Variants in HDGFL2 observed in about 807,000 individuals in gnomAD.
The protein encoded by HDGFL2 is hepatoma-derived growth factor-related protein 2.
Under a neutral mutation model 77.1 loss-of-function variants are expected in HDGFL2, and 36 were observed. That is an observed-to-expected ratio of 0.47 (90% CI 0.36 to 0.62). The LOEUF (loss-of-function observed/expected upper bound fraction) is 0.62. Ranked by LOEUF, HDGFL2 falls within the 20% of genes least tolerant of loss-of-function variation. The probability of loss-of-function intolerance (pLI) is 0.00; values close to 1 mark genes in which losing one functional copy is unlikely to be tolerated. For synonymous variants in HDGFL2, 463 were observed against 413.1 expected (o/e 1.12, Z -1.46); for missense variants, 976 against 973.4 (o/e 1.00, Z -0.04).
chr19:4,488,313 T>C (rs1389393490), intron 3 of HDGFL2, among the ~76,000 whole-genome samples: 2 of 152,196 alleles, frequency 1.3e-5, no homozygotes, highest in African/African-American at 4.8e-5. Flanking sequence ...CTCGGCACTG[T>C]CTTAGGTGCT....
chr19:4,475,684 T>C (rs1975054392), intron 3 of HDGFL2, 101 bp downstream of exon 3: 1 of 1,379,374 alleles, frequency 7.2e-7, no homozygotes, highest in Middle Eastern at 2.5e-4. Flanking sequence ...CACATGGGGC[T>C]CGATCGTTCC....
intron 3 of HDGFL2, among the ~76,000 whole-genome samples, chr19:4,482,475 T>A (rs922769583): frequency 1.6e-4 from 25 of 152,180 alleles, no homozygotes; most frequent in Non-Finnish European, 2.4e-4. Context: ...CCCCAAGTGC[T>A]GGGATTATAG....
At position 4,472,456 on chromosome 19, in the gene HDGFL2, G is replaced by A. The variant is rs749211190; in HGVS notation, c.72+34G>A. On this transcript the variant is annotated intron_variant, in intron 1 of 15. Coordinates refer to ENST00000616600, the MANE Select transcript of HDGFL2 (RefSeq NM_001001520.3). ...GCGCGGGAGATGGGGCCGGTGGGGG[G>A]GGGGGGGGGGGCAGCGGGGGCCCCG... The A allele has an allele frequency of 1.1e-4, 51 of 463,740 alleles. 1 individual carries two copies. Among genetic ancestry groups the A allele is most frequent in the Admixed American group, 7.2e-4 (16 of 22,318 alleles). 28.7% of individuals were successfully genotyped at this position (463,740 alleles called of 1,614,324 possible). A position where few individuals can be genotyped will look rare whatever the true frequency, so the allele number is the denominator to read the frequency against.
intron 12 of HDGFL2, among the ~76,000 whole-genome samples, 179 bp from the exon 13 acceptor site, chr19:4,498,635 C>A (rs1333399010): frequency 6.6e-6 from 1 of 152,122 alleles, no homozygotes; most frequent in Non-Finnish European, 1.5e-5. Flanking sequence ...CCTGGGACCC[C>A]AAGTATCTGG....
intron 11 of HDGFL2, 22 bp from the exon 12 acceptor site, chr19:4,498,284 G>C: frequency 6.2e-7 from 1 of 1,606,590 alleles, no homozygotes. Context: ...GGGCCCACAC[G>C]GTGCTCTCTC....
chr19:4,488,740 A>G lies in HDGFL2; in HGVS notation c.353A>G (p.Glu118Gly). 1.3e-6 allele frequency: 2 copies of G among 1,553,644 alleles called. No individual in the cohort carries two copies. Among genetic ancestry groups the G allele is most frequent in the Non-Finnish European group, 1.7e-6 (2 of 1,148,424 alleles). Reference sequence around the variant, plus strand: ...CCCGCCGACGGCAGTGACGCTGACGAGGACGATGAGGACCGGGGGGTCATG... The same window carrying G: ...CCCGCCGACGGCAGTGACGCTGACGGGGACGATGAGGACCGGGGGGTCATG... ...ANPADGSDAD[E>G]DDEDRGVMAV... Residue 118 changes from glutamate (E) to glycine (G), a missense_variant, in exon 4 of 16, where the codon GAG becomes GGG. Physicochemically the swap from Glu to Gly is moderately conservative, Grantham distance 98 (BLOSUM62 -2). Coordinates refer to ENST00000616600, the MANE Select transcript of HDGFL2 (RefSeq NM_001001520.3).
At chr19:4,498,957 G>C in intron 13 of HDGFL2, 42 bp downstream of exon 13, 1 of 1,439,254 alleles carries the variant, frequency 6.9e-7, no homozygotes, top group East Asian at 2.4e-5. Context: ...AGTCGGGGGA[G>C]CTGGGAGCAA....
At chr19:4,491,485 G>A (rs922191927) in intron 4 of HDGFL2, 81 bp from the exon 5 acceptor site, 1 of 1,201,120 alleles carries the variant, frequency 8.3e-7, no homozygotes, top group Non-Finnish European at 1.2e-6. Context: ...AGCTGTCGTG[G>A]GTGGTGGGCA....
At chr19:4,492,136 CAGAAGAG>C (rs1975531474) in intron 6 of HDGFL2, among the ~76,000 whole-genome samples, 1 of 152,126 alleles carries the variant, frequency 6.6e-6, no homozygotes, top group South Asian at 2.1e-4. Context: ...GAGAGGGACA[CAGAAGAG>C]AGGAGAGAGG....
At chr19:4,486,911 A>G (rs1296203102) in intron 3 of HDGFL2, among the ~76,000 whole-genome samples, 1 of 151,502 alleles carries the variant, frequency 6.6e-6, no homozygotes, top group Non-Finnish European at 1.5e-5. Context: ...CTCTGTAAAA[A>G]TGTCACATCC....
chr19:4,500,266 G>A (rs528370702), intron 14 of HDGFL2, among the ~76,000 whole-genome samples: 4 of 152,258 alleles, frequency 2.6e-5, no homozygotes, highest in South Asian at 4.1e-4. Flanking sequence ...GGGGGCAGCC[G>A]AAGGCTAGTG....
chr19:4,497,775 G>T (rs1975745216), intron 10 of HDGFL2, 183 bp from the exon 11 acceptor site: 1 of 588,686 alleles, frequency 1.7e-6, no homozygotes, highest in South Asian at 2.1e-5. Context: ...GCCTGTGGCT[G>T]CCCTGGTCTG....
intron 9 of HDGFL2, among the ~76,000 whole-genome samples, chr19:4,494,708 C>G (rs1975655326): frequency 6.6e-6 from 1 of 151,856 alleles, no homozygotes; most frequent in Non-Finnish European, 1.5e-5. Flanking sequence ...TTACTTGAGT[C>G]CAGCTCGAGA....
At chr19:4,495,872 G>A (rs1444242791) in intron 9 of HDGFL2, among the ~76,000 whole-genome samples, 1 of 152,148 alleles carries the variant, frequency 6.6e-6, no homozygotes, top group African/African-American at 2.4e-5. Context: ...TTCAGGCAAT[G>A]TGGCCTGAAT....
chr19:4,474,444 T>C (rs1478877339), intron 1 of HDGFL2, among the ~76,000 whole-genome samples: 2 of 152,000 alleles, frequency 1.3e-5, no homozygotes, highest in African/African-American at 4.8e-5. Flanking sequence ...GGCCAGGGAC[T>C]CTGATAAAGT....
intron 3 of HDGFL2, among the ~76,000 whole-genome samples, chr19:4,479,590 A>AG (rs1273400096): frequency 1.4e-5 from 2 of 146,040 alleles, no homozygotes; most frequent in Non-Finnish European, 3.0e-5. Context: ...AAAAAAAAAA[A>AG]AAAAGAAAGA....
chr19:4,473,869 A>G (rs1194496987), intron 1 of HDGFL2, among the ~76,000 whole-genome samples: 1 of 151,642 alleles, frequency 6.6e-6, no homozygotes, highest in South Asian at 2.1e-4. Flanking sequence ...TCCAACCCCA[A>G]TGCTTGAAAT....
intron 3 of HDGFL2, among the ~76,000 whole-genome samples, chr19:4,485,603 G>A (rs1358473437): frequency 2.6e-5 from 4 of 151,912 alleles, no homozygotes; most frequent in Non-Finnish European, 4.4e-5. Context: ...TTAGCCAGGC[G>A]TGGTGGCGGG....
At chr19:4,493,591 A>G in intron 6 of HDGFL2, 112 bp from the exon 7 acceptor site, 1 of 1,252,190 alleles carries the variant, frequency 8.0e-7, no homozygotes, top group Non-Finnish European at 1.0e-6. Context: ...CCCTGAGCCG[A>G]GGCCCGCAGA....
Sources: allele counts gnomAD v4.1 joint callset (sites outside exome capture counted in the v4.1 genomes callset), GRCh38; gene constraint gnomAD v4.1.1; transcripts MANE v1.5; gene names NCBI Gene and HGNC (gene_info 2026-07-23, HGNC 2026-07-21).